MACC1: variants seen among roughly 807,000 people sequenced by gnomAD.
MACC1 encodes MET transcriptional regulator MACC1, also known as metastasis-associated in colon cancer protein 1.
Under a neutral mutation model 70.7 loss-of-function variants are expected in MACC1, and 79 were observed. The observed-to-expected ratio is 1.12, with a 90% confidence interval of 0.93 to 1.35. MACC1 has a LOEUF of 1.35. Among genes scored for constraint, MACC1 ranks in the 40% most tolerant of loss-of-function variants. The pLI is 0.00. For synonymous variants in MACC1, 361 were observed against 347.2 expected (o/e 1.04, Z -0.44); for missense variants, 1,106 against 978.1 (o/e 1.13, Z -1.74).
chr7:20,141,298 T>C (rs563858699), intron 6 of MACC1, 140 bp from the exon 7 acceptor site: 5 of 542,112 alleles, frequency 9.2e-6, no homozygotes, highest in African/African-American at 7.7e-5. Context: ...TTTGATGTCA[T>C]AGAAAATATG....
intron 1 of MACC1, 97 bp downstream of exon 1, chr7:20,217,202 C>T (rs3095006): frequency 0.71 from 107,605 of 152,084 alleles, 38,292 homozygotes; most frequent in East Asian, 0.91. Flanking sequence ...TGTTAAGCAG[C>T]TGGTTTGTTA....
At chr7:20,156,009 T>C (rs1782049679) in intron 5 of MACC1, among the ~76,000 whole-genome samples, 1 of 152,196 alleles carries the variant, frequency 6.6e-6, no homozygotes, top group Admixed American at 6.5e-5. Flanking sequence ...TAATTCCACT[T>C]TGTCTAAACT....
At chr7:20,141,834 C>T (rs1230381382) in intron 6 of MACC1, 1 of 152,008 alleles carries the variant, frequency 6.6e-6, no homozygotes, top group Non-Finnish European at 1.5e-5. Flanking sequence ...CAAAGAGAAA[C>T]TTCACATACA....
At chr7:20,147,586 A>T (rs1382137150) in intron 6 of MACC1, 1 of 152,228 alleles carries the variant, frequency 6.6e-6, no homozygotes, top group Non-Finnish European at 1.5e-5. Flanking sequence ...TAGTAAGTAC[A>T]TAAATATTGT....
intron 1 of MACC1, among the ~76,000 whole-genome samples, chr7:20,216,038 C>T (rs1012573556): frequency 2.6e-5 from 4 of 152,010 alleles, no homozygotes; most frequent in African/African-American, 4.8e-5. Flanking sequence ...TATTAAAAAT[C>T]GCTATTATGA....
At chr7:20,214,486 A>T (rs1192427867) in intron 1 of MACC1, among the ~76,000 whole-genome samples, 1 of 152,138 alleles carries the variant, frequency 6.6e-6, no homozygotes, top group Non-Finnish European at 1.5e-5. Flanking sequence ...ATTTCCTGTA[A>T]ATTCACTCTT....
chr7:20,158,699 C>G lies in MACC1; in HGVS notation c.1662G>C (p.Gly554=). The G allele has an allele frequency of 6.2e-7, 1 of 1,613,802 alleles. No individual in the cohort carries two copies. Among genetic ancestry groups the G allele is most frequent in the Non-Finnish European group, 8.5e-7 (1 of 1,179,982 alleles). The stretch of plus-strand genomic sequence containing the variant: ...GTCTTAGCACTGCCTTCAGGGTTAC[C>G]CCATAGTTGCTAAAGTTCAATGTTT... ...QDKTLNFSNY[G]VTLKAVLRQS... Residue 554 remains glycine, a synonymous_variant, in exon 5 of 7, where the codon GGG becomes GGC. Coordinates refer to ENST00000400331, the MANE Select transcript of MACC1 (RefSeq NM_182762.4).
chr7:20,215,800 A>T (rs1200548229), intron 1 of MACC1, among the ~76,000 whole-genome samples: 1 of 152,248 alleles, frequency 6.6e-6, no homozygotes, highest in African/African-American at 2.4e-5. Flanking sequence ...TTTTAAGATA[A>T]GATGGTGTTT....
chr7:20,212,642 A>G (rs1282900285), intron 1 of MACC1, among the ~76,000 whole-genome samples: 1 of 152,034 alleles, frequency 6.6e-6, no homozygotes, highest in Non-Finnish European at 1.5e-5. Flanking sequence ...CAGAATTCCA[A>G]TCCCACATGA....
intron 1 of MACC1, among the ~76,000 whole-genome samples, chr7:20,216,481 C>T (rs1432165502): frequency 2.6e-5 from 4 of 152,022 alleles, no homozygotes; most frequent in Non-Finnish European, 5.9e-5. Flanking sequence ...AACTGAAACT[C>T]TATATCCATT....
At chr7:20,186,155 G>A (rs1338754168) in intron 1 of MACC1, among the ~76,000 whole-genome samples, 1 of 152,190 alleles carries the variant, frequency 6.6e-6, no homozygotes, top group Admixed American at 6.5e-5. Flanking sequence ...GGCTGCACAA[G>A]TTGTTTTTCT....
At position 20,164,411 on chromosome 7, in the gene MACC1, A is replaced by G. The variant is rs1037082955; in HGVS notation, c.-152-12T>C. The G allele has an allele frequency of 6.6e-6, 1 of 152,194 alleles. No individual in the cohort carries two copies. The highest frequency in any genetic ancestry group is 2.1e-4 in the South Asian group (1 of 4,826). 9.4% of individuals were successfully genotyped at this position (152,194 alleles called of 1,614,324 possible). On this transcript the variant is annotated splice_polypyrimidine_tract_variant and intron_variant, in intron 2 of 6. Coordinates refer to ENST00000400331, the MANE Select transcript of MACC1 (RefSeq NM_182762.4). ...AAGCCTTTTCTGATCTATAAAAATG[A>G]AAGAAAAAATTAAAACAAGATGGAA...
At chr7:20,189,613 G>A (rs1463251036) in intron 1 of MACC1, among the ~76,000 whole-genome samples, 2 of 152,198 alleles carry the variant, frequency 1.3e-5, no homozygotes, top group African/African-American at 4.8e-5. Flanking sequence ...CAGCAACAGT[G>A]TGAAAGCTCT....
chr7:20,157,079 AC>A (rs1395696830), intron 5 of MACC1, among the ~76,000 whole-genome samples: 1 of 152,214 alleles, frequency 6.6e-6, no homozygotes, highest in African/African-American at 2.4e-5. Flanking sequence ...AGAATAGGCA[AC>A]TGTAGGACGT....
At chr7:20,172,630 T>C (rs1470331419) in intron 1 of MACC1, among the ~76,000 whole-genome samples, 1 of 152,164 alleles carries the variant, frequency 6.6e-6, no homozygotes, top group African/African-American at 2.4e-5. Context: ...CAAAATAAAA[T>C]ACAAAAGAAA....
intron 1 of MACC1, among the ~76,000 whole-genome samples, chr7:20,195,951 T>C (rs1298094716): frequency 6.6e-6 from 1 of 152,170 alleles, no homozygotes; most frequent in African/African-American, 2.4e-5. Flanking sequence ...TCTTGTGATC[T>C]CTATTTTAAC....
chr7:20,183,272 CT>C (rs1782537434), intron 1 of MACC1, among the ~76,000 whole-genome samples: 1 of 152,184 alleles, frequency 6.6e-6, no homozygotes, highest in African/African-American at 2.4e-5. Context: ...TATGAGCAGC[CT>C]CTAAGAGCTG....
chr7:20,201,754 G>A (rs1022354415), intron 1 of MACC1, among the ~76,000 whole-genome samples: 2 of 151,002 alleles, frequency 1.3e-5, no homozygotes, highest in Non-Finnish European at 3.0e-5. Context: ...CCTTGTTTTC[G>A]ACTCCTAAAC....
rs756499999 is a variant in MACC1, at chr7:20,178,288, CACACACACA to C, written c.-217-7519_-217-7511del. 5.9e-4 allele frequency among the ~76,000 whole-genome samples: 90 copies of C among 151,464 alleles called. 1 individual carries two copies. Among genetic ancestry groups the C allele is most frequent in the Middle Eastern group, 6.8e-3 (2 of 292 alleles). ...ACACACACACACACACACACACACA[CACACACACA>C]CTCCAGAGAATAATTGATTCAATTT... On this transcript the variant is annotated intron_variant, in intron 1 of 6. Coordinates refer to ENST00000400331, the MANE Select transcript of MACC1 (RefSeq NM_182762.4).
Sources: allele counts gnomAD v4.1 joint callset (sites outside exome capture counted in the v4.1 genomes callset), GRCh38; gene constraint gnomAD v4.1.1; transcripts MANE v1.5; gene names NCBI Gene and HGNC (gene_info 2026-07-23, HGNC 2026-07-21).